RBFOX3: variants seen among roughly 807,000 people sequenced by gnomAD.
The protein encoded by RBFOX3 is RNA binding fox-1 homolog 3.
In RBFOX3, 17 loss-of-function variants were observed where a neutral mutation model predicts 48.7. That is an observed-to-expected ratio of 0.35 (90% CI 0.24 to 0.52). The LOEUF is 0.52. RBFOX3 is among the 20% of genes least tolerant of loss of function. RBFOX3 has a pLI of 0.94. For synonymous variants in RBFOX3, 212 were observed against 209.5 expected, an observed-to-expected ratio of 1.01 and a Z score of -0.10; for missense variants, 382 against 497.5, an observed-to-expected ratio of 0.77 and a Z score of 2.21.
In RBFOX3 at chr17:79,090,779, T is replaced by TG; in HGVS notation, c.*103dup. The TG allele has an allele frequency of 7.3e-7, 1 of 1,363,188 alleles. No homozygotes were observed. Among genetic ancestry groups the TG allele is most frequent in the Non-Finnish European group, 9.9e-7 (1 of 1,010,400 alleles). 84.4% of individuals were successfully genotyped at this position (1,363,188 alleles called of 1,614,324 possible). A position where few individuals can be genotyped will look rare whatever the true frequency, so the allele number is the denominator to read the frequency against. ...CTCTTGGTTTGGTTGGTTTTTTTTT[T>TG]GTTGCTTGGATCTTAACATCTTTTT... On this transcript the variant is annotated 3_prime_UTR_variant, in exon 15 of 15. Coordinates refer to ENST00000693108, the MANE Select transcript of RBFOX3 (RefSeq NM_001350451.2).
chr17:79,175,426 A>T (rs1273628365), intron 4 of RBFOX3, among the ~76,000 whole-genome samples: 1 of 152,158 alleles, frequency 6.6e-6, no homozygotes, highest in Non-Finnish European at 1.5e-5. Flanking sequence ...CGGACCTATG[A>T]CCACTCCCAA....
chr17:79,162,386 G>A (rs1303923941), intron 4 of RBFOX3, among the ~76,000 whole-genome samples: 2 of 152,154 alleles, frequency 1.3e-5, no homozygotes, highest in East Asian at 3.9e-4. Flanking sequence ...CCCGGTGAGT[G>A]GAGTGCCGCG....
the RBFOX3 span, among the ~76,000 whole-genome samples, chr17:79,665,017 A>G: frequency 6.6e-6 from 1 of 152,198 alleles, no homozygotes; most frequent in South Asian, 2.1e-4. Flanking sequence ...GTCTATGGAC[A>G]CTGGGGTTGC....
At chr17:79,367,358 ACTC>A (rs2057932916) in intron 2 of RBFOX3, among the ~76,000 whole-genome samples, 1 of 92,896 alleles carries the variant, frequency 1.1e-5, no homozygotes, top group Admixed American at 1.3e-4. Flanking sequence ...TCCTCCTCCT[ACTC>A]CTCCTCCACA....
At chr17:79,424,495 G>C (rs1057439080) in intron 2 of RBFOX3, among the ~76,000 whole-genome samples, 16 of 152,166 alleles carry the variant, frequency 1.1e-4, no homozygotes, top group African/African-American at 3.9e-4. Flanking sequence ...CCTGCCACCT[G>C]CCAGCCATGC....
intron 2 of RBFOX3, among the ~76,000 whole-genome samples, chr17:79,374,822 C>T (rs2059016576): frequency 6.6e-6 from 1 of 152,212 alleles, no homozygotes; most frequent in African/African-American, 2.4e-5. Context: ...ACTGAGCCTC[C>T]CCCAGTGCAT....
intron 2 of RBFOX3, among the ~76,000 whole-genome samples, chr17:79,462,031 A>G (rs1349594762): frequency 3.3e-5 from 5 of 152,216 alleles, no homozygotes; most frequent in Admixed American, 2.6e-4. Flanking sequence ...AGCCACCTAG[A>G]TTTTGGTAAT....
At chr17:79,399,819 G>A (rs1223653148) in intron 2 of RBFOX3, among the ~76,000 whole-genome samples, 1 of 152,240 alleles carries the variant, frequency 6.6e-6, no homozygotes, top group Admixed American at 6.5e-5. Context: ...TTCAGCAAGC[G>A]TGAACGCGCC....
chr17:79,215,212 C>T (rs2058873944), intron 4 of RBFOX3, among the ~76,000 whole-genome samples: 1 of 152,090 alleles, frequency 6.6e-6, no homozygotes, highest in Non-Finnish European at 1.5e-5. Flanking sequence ...GCTCCCAGGC[C>T]CCAGACTGCA....
chr17:79,331,910 C>T (rs1426216482), intron 2 of RBFOX3, among the ~76,000 whole-genome samples: 1 of 152,362 alleles, frequency 6.6e-6, no homozygotes, highest in Non-Finnish European at 1.5e-5. Context: ...TCCTGTGCGG[C>T]TCACAGGGCC....
intron 3 of RBFOX3, among the ~76,000 whole-genome samples, chr17:79,258,725 G>C (rs1202243231): frequency 1.3e-5 from 2 of 152,176 alleles, no homozygotes; most frequent in Non-Finnish European, 2.9e-5. Context: ...CTGGTTGGTG[G>C]GGGGTGCACT....
intron 4 of RBFOX3, among the ~76,000 whole-genome samples, chr17:79,202,971 T>G (rs1327702869): frequency 1.3e-5 from 2 of 152,014 alleles, no homozygotes; most frequent in Non-Finnish European, 2.9e-5. Context: ...AACGCACCCT[T>G]GGATTCCTTC....
chr17:79,255,972 C>T lies in RBFOX3; in HGVS notation c.-73-20167G>A, dbSNP rs995227779. On this transcript the variant is annotated intron_variant, in intron 3 of 14. Coordinates refer to ENST00000693108, the MANE Select transcript of RBFOX3 (RefSeq NM_001350451.2). ...CAGCTGCCTCCCCAGCCAACTCCCT[C>T]GGGGGCTTCCAAAGCAGCCATCCAG... Among the ~76,000 whole-genome samples the T allele has an allele frequency of 2.6e-5, 4 of 151,624 alleles. No individual in the cohort carries two copies. In the South Asian group the frequency reaches 6.3e-4, roughly 24 times the overall value.
At chr17:79,110,348 C>T (rs2030638943) in intron 5 of RBFOX3, among the ~76,000 whole-genome samples, 1 of 152,144 alleles carries the variant, frequency 6.6e-6, no homozygotes, top group African/African-American at 2.4e-5. Context: ...TCCACATCCT[C>T]TGAGGAGCCT....
chr17:79,162,816 G>A (rs1023287417), intron 4 of RBFOX3, among the ~76,000 whole-genome samples: 6 of 152,292 alleles, frequency 3.9e-5, no homozygotes, highest in East Asian at 1.9e-4. Flanking sequence ...TGGGAGAGCC[G>A]GGAGGGGTAG....
At chr17:79,377,652 G>A (rs2059386296) in intron 2 of RBFOX3, among the ~76,000 whole-genome samples, 1 of 152,222 alleles carries the variant, frequency 6.6e-6, no homozygotes, top group East Asian at 1.9e-4. Context: ...CCACGGGGGA[G>A]GGGCATCGAG....
rs547936736 is a variant in RBFOX3, at chr17:79,296,419, G to A, written c.-74+11305C>T. Among the ~76,000 whole-genome samples, 10 of 151,982 alleles carry A rather than the reference G, an allele frequency of 6.6e-5. 1 individual carries two copies. In the South Asian group the frequency reaches 1.2e-3, roughly 19 times the overall value. ...TGCCAGAGCCGGGCTGTGTTTTGTC[G>A]CTCTATGGGCCGACTTTGTTACACC... On this transcript the variant is annotated intron_variant, in intron 3 of 14. Coordinates refer to ENST00000693108, the MANE Select transcript of RBFOX3 (RefSeq NM_001350451.2).
chr17:79,598,769 G>A (rs1457239726), intron 1 of RBFOX3: 1 of 152,162 alleles, frequency 6.6e-6, no homozygotes, highest in Non-Finnish European at 1.5e-5. Flanking sequence ...GGTGCTTAGT[G>A]GGTTGGACTC....
chr17:79,209,538 C>T (rs1219653458), intron 4 of RBFOX3, among the ~76,000 whole-genome samples: 1 of 152,210 alleles, frequency 6.6e-6, no homozygotes, highest in African/African-American at 2.4e-5. Context: ...ACTTTCTCCT[C>T]CTCTAGGCAG....
Sources: allele counts gnomAD v4.1 joint callset (sites outside exome capture counted in the v4.1 genomes callset), GRCh38; gene constraint gnomAD v4.1.1; transcripts MANE v1.5; gene names NCBI Gene and HGNC (gene_info 2026-07-23, HGNC 2026-07-21).